The following CTNNA2 variants were observed in gnomAD, a reference collection of about 807,000 sequenced individuals.
CTNNA2 encodes catenin alpha 2.
CTNNA2 carries 42 observed loss-of-function variants against 101.0 expected under a neutral mutation model. The observed-to-expected ratio is 0.42, with a 90% confidence interval of 0.32 to 0.54. CTNNA2 has a LOEUF of 0.54. Ranked by LOEUF, CTNNA2 falls within the 20% of genes least tolerant of loss-of-function variation. CTNNA2 has a pLI of 0.14. For synonymous variants in CTNNA2, 450 were observed against 456.4 expected (o/e 0.99, Z 0.18); for missense variants, 871 against 1,223.1 (o/e 0.71, Z 4.29).
chr2:80,010,848 C>A (rs145426698), intron 7 of CTNNA2, among the ~76,000 whole-genome samples: 18 of 152,086 alleles, frequency 1.2e-4, no homozygotes, highest in Middle Eastern at 3.4e-3. Flanking sequence ...ATTTTTGCAA[C>A]TTTTTCCAGA....
intron 1 of CTNNA2, among the ~76,000 whole-genome samples, chr2:79,627,242 A>G (rs1417627553): frequency 6.6e-6 from 1 of 152,316 alleles, no homozygotes; most frequent in South Asian, 2.1e-4. Context: ...GTTTCTTCCA[A>G]CTCTAAAAGC....
At chr2:80,144,005 A>G (rs1194467971) in intron 7 of CTNNA2, among the ~76,000 whole-genome samples, 1 of 152,178 alleles carries the variant, frequency 6.6e-6, no homozygotes, top group African/African-American at 2.4e-5. Context: ...CTTTCCCCCA[A>G]TTAATGAGAC....
At chr2:80,065,783 A>G (rs73940930) in intron 7 of CTNNA2, among the ~76,000 whole-genome samples, 6,191 of 152,248 alleles carry the variant, frequency 0.041, 380 homozygotes, top group African/African-American at 0.14. Flanking sequence ...AGCTATCATC[A>G]TCTTCATTAT....
chr2:79,596,592 G>A (rs1156637031), intron 1 of CTNNA2, among the ~76,000 whole-genome samples: 2 of 152,188 alleles, frequency 1.3e-5, no homozygotes, highest in Non-Finnish European at 2.9e-5. Context: ...CCTGAGCAGC[G>A]CAGATTGTCA....
At chr2:80,095,070 C>T (rs534762338) in intron 7 of CTNNA2, among the ~76,000 whole-genome samples, 2 of 152,292 alleles carry the variant, frequency 1.3e-5, no homozygotes, top group East Asian at 3.9e-4. Context: ...GAGGGCTTCC[C>T]TGTCTTGTGC....
chr2:79,519,184 G>C (rs1671967107), intron 1 of CTNNA2, among the ~76,000 whole-genome samples: 1 of 148,962 alleles, frequency 6.7e-6, no homozygotes, highest in East Asian at 2.0e-4. Flanking sequence ...AGCCGAGATG[G>C]TGCCACTGCA....
intron 7 of CTNNA2, among the ~76,000 whole-genome samples, chr2:80,004,721 G>A (rs923566213): frequency 2.0e-5 from 3 of 148,376 alleles, no homozygotes; most frequent in East Asian, 3.9e-4. Flanking sequence ...CCATCCATCC[G>A]AGATGGAGTC....
chr2:80,314,705 A>C (rs561522678), intron 7 of CTNNA2, among the ~76,000 whole-genome samples: 3 of 152,330 alleles, frequency 2.0e-5, no homozygotes, highest in East Asian at 3.9e-4. Flanking sequence ...TTCTATGTCA[A>C]TGTCTAGCTG....
At chr2:80,243,136 G>A (rs1288290738) in intron 7 of CTNNA2, among the ~76,000 whole-genome samples, 2 of 152,110 alleles carry the variant, frequency 1.3e-5, no homozygotes, top group African/African-American at 4.8e-5. Flanking sequence ...CATGTTATTT[G>A]GTTTAAATTT....
chr2:79,760,704 T>C (rs969720615), intron 3 of CTNNA2, among the ~76,000 whole-genome samples: 12 of 152,244 alleles, frequency 7.9e-5, no homozygotes, highest in African/African-American at 2.4e-4. Flanking sequence ...CAATAGGTAA[T>C]AATTGATAAG....
At chr2:80,509,041 G>A (rs546434111) in intron 9 of CTNNA2, among the ~76,000 whole-genome samples, 16 of 152,182 alleles carry the variant, frequency 1.1e-4, no homozygotes, top group Non-Finnish European at 1.9e-4. Context: ...AAGCAGCAAT[G>A]TGTGGTAAAC....
rs748900879 is a variant in CTNNA2 at position 80,608,223 on chromosome 2, C to G, written c.2335C>G (p.Leu779Val). Reference protein sequence around the residue: ...SACKQDLLAYLQRIALYCHQL... With the variant: ...SACKQDLLAYVQRIALYCHQL... ...ATGTAAGCAGGATTTATTAGCCTACCTTCAACGAATTGCCTTGTATTGCCA... is the reference window on the plus strand; with the variant it reads ...ATGTAAGCAGGATTTATTAGCCTACGTTCAACGAATTGCCTTGTATTGCCA... The change falls in exon 17 of 19, where the codon CTT becomes GTT. Residue 779 changes from leucine (L) to valine (V), a missense_variant. By Grantham distance (32) the Leu-to-Val change is conservative. Transcript: ENST00000402739. 6.2e-7 allele frequency: 1 copy of G among 1,610,640 alleles called. No homozygotes were observed. The highest frequency in any genetic ancestry group is 2.2e-5 in the East Asian group (1 of 44,794).
chr2:80,258,777 T>C (rs1489281815), intron 7 of CTNNA2, among the ~76,000 whole-genome samples: 2 of 152,168 alleles, frequency 1.3e-5, no homozygotes, highest in Non-Finnish European at 2.9e-5. Flanking sequence ...AGGCAGTTGC[T>C]GATTGAACCT....
chr2:80,208,899 C>T (rs1707706444), intron 7 of CTNNA2, among the ~76,000 whole-genome samples: 1 of 152,142 alleles, frequency 6.6e-6, no homozygotes. Context: ...CACTGGCCAC[C>T]TCTACTGTGT....
At chr2:80,141,761 A>G (rs1703024322) in intron 7 of CTNNA2, among the ~76,000 whole-genome samples, 2 of 152,096 alleles carry the variant, frequency 1.3e-5, no homozygotes, top group Admixed American at 1.3e-4. Flanking sequence ...GAAGTAAGTG[A>G]GCAACTTGTC....
chr2:79,718,538 G>T (rs1686258077), intron 2 of CTNNA2, among the ~76,000 whole-genome samples: 1 of 152,156 alleles, frequency 6.6e-6, no homozygotes, highest in African/African-American at 2.4e-5. Context: ...TTCCGGCTGT[G>T]CCTTAAAGAT....
In CTNNA2 at chr2:79,239,318, A is replaced by G. The variant is rs533221674; in HGVS notation, c.-406+41242A>G. On this transcript the variant is annotated intron_variant, in intron 2 of 21. Coordinates refer to the CTNNA2 transcript ENST00000466387. ...ATCTCAGAAATAAGACCACACATCT[A>G]CAACCATCTGATCTTCTACAAACCT... 2.0e-5 allele frequency among the ~76,000 whole-genome samples: 3 copies of G among 152,320 alleles called. No homozygotes were observed. In the East Asian group the frequency reaches 5.8e-4, roughly 29 times the overall value.
intron 3 of CTNNA2, among the ~76,000 whole-genome samples, chr2:79,842,669 A>G (rs1020489996): frequency 5.3e-5 from 8 of 151,956 alleles, no homozygotes; most frequent in African/African-American, 1.7e-4. Context: ...AAACAAATTA[A>G]TGAACAATTT....
At chr2:79,216,164 A>C (rs1048173607) in intron 2 of CTNNA2, among the ~76,000 whole-genome samples, 1 of 152,146 alleles carries the variant, frequency 6.6e-6, no homozygotes, top group African/African-American at 2.4e-5. Context: ...AACGGCTGTC[A>C]AGTTTGTATT....
Sources: gnomAD v4.1 joint callset for allele counts (sites outside exome capture counted in the v4.1 genomes callset) on GRCh38, gnomAD v4.1.1 for gene constraint, MANE v1.5 for transcripts, NCBI Gene and HGNC (gene_info 2026-07-23, HGNC 2026-07-21) for gene names.